Variants in KIT observed in about 807,000 individuals in gnomAD.
The protein encoded by KIT is KIT proto-oncogene, receptor tyrosine kinase, also known as mast/stem cell growth factor receptor Kit.
Under a neutral mutation model 105.7 loss-of-function variants are expected in KIT, and 16 were observed. The observed-to-expected ratio is 0.15, with a 90% CI of 0.10 to 0.23. The LOEUF is 0.23. KIT is among the 10% of genes least tolerant of loss of function. The probability of loss-of-function intolerance (pLI) is 1.00; values close to 1 mark genes in which losing one functional copy is unlikely to be tolerated. For synonymous variants in KIT, 438 were observed against 441.1 expected, an observed-to-expected ratio of 0.99 and a Z score of 0.09; for missense variants, 858 against 1,213.8, an observed-to-expected ratio of 0.71 and a Z score of 4.36.
chr4:54,728,910 T>C (rs1163769490), intron 13 of KIT, among the ~76,000 whole-genome samples: 1 of 152,228 alleles, frequency 6.6e-6, no homozygotes, highest in Non-Finnish European at 1.5e-5. Context: ...TGGCTGCTCC[T>C]TGTGGCTGAT....
At chr4:54,691,441 G>C (rs1459610352) in intron 1 of KIT, among the ~76,000 whole-genome samples, 2 of 152,090 alleles carry the variant, frequency 1.3e-5, no homozygotes, top group African/African-American at 4.8e-5. Context: ...TGAAGAGGCT[G>C]TCTTCAGCGG....
chr4:54,690,114 G>A lies in KIT; in HGVS notation c.68-5398G>A, dbSNP rs1178919222. On this transcript the variant is annotated intron_variant, in intron 1 of 20. Coordinates refer to ENST00000288135, the MANE Select transcript of KIT (RefSeq NM_000222.3). ...TATGTATATACCACATTTTATCCAA[G>A]TTATTGGACCACATTGGGTTTTATA... Among the ~76,000 whole-genome samples, 4 of 149,926 alleles carry A rather than the reference G, an allele frequency of 2.7e-5. No homozygotes were observed. The East Asian group carries it at 7.8e-4, about 29-fold the overall frequency.
intron 5 of KIT, among the ~76,000 whole-genome samples, chr4:54,705,640 T>C (rs1271488228): frequency 1.3e-5 from 2 of 152,238 alleles, no homozygotes; most frequent in African/African-American, 2.4e-5. Context: ...CCCAGCACTT[T>C]GGGAGGCTGA....
chr4:54,732,045 A>ATTTTTT (rs71662297), intron 16 of KIT, 47 bp downstream of exon 16: 22 of 888,800 alleles, frequency 2.5e-5, no homozygotes, highest in Middle Eastern at 3.8e-4. Context: ...TGTTTTTTTG[A>ATTTTTT]TTTTTTTTTT....
At chr4:54,687,417 G>A (rs770693431) in intron 1 of KIT, among the ~76,000 whole-genome samples, 1 of 151,782 alleles carries the variant, frequency 6.6e-6, no homozygotes, top group Non-Finnish European at 1.5e-5. Context: ...CAGCCTGGGC[G>A]ACGACAGAGC....
intron 20 of KIT, 59 bp downstream of exon 20, chr4:54,737,339 C>G: frequency 8.9e-7 from 1 of 1,129,794 alleles, no homozygotes. Flanking sequence ...GTGTGTCCTC[C>G]TCCTCAGGCT....
chr4:54,674,725 T>C (rs1195945019), intron 1 of KIT, among the ~76,000 whole-genome samples: 2 of 152,220 alleles, frequency 1.3e-5, no homozygotes, highest in African/African-American at 4.8e-5. Flanking sequence ...AAATGAACAC[T>C]GTATGGCCTA....
intron 17 of KIT, chr4:54,733,491 G>A: frequency 3.0e-6 from 1 of 334,094 alleles, no homozygotes; most frequent in East Asian, 7.4e-5. Context: ...TTTTGCTCAA[G>A]TGTAACAAAT....
intron 1 of KIT, among the ~76,000 whole-genome samples, chr4:54,681,688 C>T (rs953748443): frequency 7.9e-5 from 12 of 151,962 alleles, no homozygotes; most frequent in African/African-American, 2.9e-4. Flanking sequence ...ATGTCAGAGC[C>T]GTAAGTCAAA....
Position 54,737,932 on chromosome 4 carries a change from C to T in KIT, c.2803-497C>T, listed in dbSNP as rs11946504. ...TCCTGGGCTGTGTGCTTGGAGCTAT[C>T]TTTTCTTTCCTAATAGCACACCACT... On this transcript the variant is annotated intron_variant, in intron 20 of 20. Coordinates refer to ENST00000288135, the MANE Select transcript of KIT (RefSeq NM_000222.3). Among the ~76,000 whole-genome samples the T allele has an allele frequency of 9.7e-3, 1,480 of 152,264 alleles. 20 individuals carry two copies. The highest frequency in any genetic ancestry group is 0.033 in the African/African-American group (1,376 of 41,540).
intron 1 of KIT, among the ~76,000 whole-genome samples, chr4:54,680,404 TTA>T (rs1491579013): frequency 3.3e-5 from 5 of 150,428 alleles, no homozygotes; most frequent in African/African-American, 9.8e-5. Context: ...TTTTTTTTTT[TTA>T]ATGAGAAGGA....
At chr4:54,680,327 G>T (rs1282758408) in intron 1 of KIT, among the ~76,000 whole-genome samples, 1 of 146,888 alleles carries the variant, frequency 6.8e-6, no homozygotes, top group Non-Finnish European at 1.5e-5. Flanking sequence ...GATGCCATAA[G>T]TTAGAACTAG....
At chr4:54,722,727 G>C (rs1721952642) in intron 7 of KIT, among the ~76,000 whole-genome samples, 1 of 151,262 alleles carries the variant, frequency 6.6e-6, no homozygotes, top group African/African-American at 2.4e-5. Flanking sequence ...AAATTCTTGA[G>C]TGTTAGCTGG....
At chr4:54,672,522 T>C (rs1718183597) in intron 1 of KIT, among the ~76,000 whole-genome samples, 1 of 152,200 alleles carries the variant, frequency 6.6e-6, no homozygotes, top group Non-Finnish European at 1.5e-5. Context: ...ATATTTAAAT[T>C]AGCCAGCGTT....
rs553005135 is a variant in KIT at position 54,739,499 on chromosome 4, T to C, written c.*942T>C. Reference sequence around the variant, plus strand: ...AGCTTCAGAATGGCATTGTACTCAATGGATTTGATGCTGTTTGACAAAGTT... The same window carrying C: ...AGCTTCAGAATGGCATTGTACTCAACGGATTTGATGCTGTTTGACAAAGTT... On this transcript the variant is annotated 3_prime_UTR_variant, in exon 21 of 21. Coordinates refer to ENST00000288135, the MANE Select transcript of KIT (RefSeq NM_000222.3). 1.7e-5 allele frequency: 4 copies of C among 233,488 alleles called. No individual in the cohort carries two copies. The highest frequency in any genetic ancestry group is 6.0e-5 in the East Asian group (1 of 16,550). The allele number at this position is 233,488 out of a possible 1,614,324, so 14.5% of individuals were successfully genotyped here.
rs202070769 is a variant in KIT at position 54,658,010 on chromosome 4, C to T, written c.-5C>T. The T allele has an allele frequency of 4.4e-5, 71 of 1,613,476 alleles. No individual in the cohort carries two copies. Among genetic ancestry groups the T allele is most frequent in the Non-Finnish European group, 5.5e-5 (65 of 1,179,670 alleles). Reference sequence around the variant, plus strand: ...CAGAGCTCGGATCCCATCGCAGCTACCGCGATGAGAGGCGCTCGCGGCGCC... The same window carrying T: ...CAGAGCTCGGATCCCATCGCAGCTATCGCGATGAGAGGCGCTCGCGGCGCC... On this transcript the variant is annotated 5_prime_UTR_variant, in exon 1 of 21. Transcript: ENST00000288135.
At chr4:54,658,132 G>A (rs1436626610) in intron 1 of KIT, 51 bp downstream of exon 1, 5 of 1,580,618 alleles carry the variant, frequency 3.2e-6, no homozygotes, top group South Asian at 2.2e-5. Context: ...GGCGAAGCCT[G>A]TGCCTGGGAG....
chr4:54,732,543 G>C (rs1303331202), intron 16 of KIT, among the ~76,000 whole-genome samples: 1 of 152,148 alleles, frequency 6.6e-6, no homozygotes, highest in Non-Finnish European at 1.5e-5. Flanking sequence ...GGTGAAAGGA[G>C]TTCCTTAGGA....
At chr4:54,698,717 T>C in intron 3 of KIT, 152 bp downstream of exon 3, 1 of 888,410 alleles carries the variant, frequency 1.1e-6, no homozygotes, top group Non-Finnish European at 1.8e-6. Context: ...GCTTTTGAAT[T>C]TGTTTATTTC....
Sources: gnomAD v4.1 joint callset for allele counts (sites outside exome capture counted in the v4.1 genomes callset) on GRCh38, gnomAD v4.1.1 for gene constraint, MANE v1.5 for transcripts, NCBI Gene and HGNC (gene_info 2026-07-23, HGNC 2026-07-21) for gene names.